The following WARS1 variants were observed in gnomAD, a reference collection of about 807,000 sequenced individuals.
WARS1 encodes tryptophanyl-tRNA synthetase 1, also known as tryptophan--tRNA ligase, cytoplasmic.
A neutral mutation model predicts 47.8 loss-of-function variants in WARS1; 17 were observed. The ratio of observed to expected loss-of-function variants is 0.36; its 90% CI spans 0.24 to 0.53. The LOEUF (loss-of-function observed/expected upper bound fraction) is 0.53. WARS1 is among the 20% of genes least tolerant of loss of function. The pLI, the probability that WARS1 is intolerant of heterozygous loss-of-function variation, is 0.91. For synonymous variants in WARS1, 208 were observed against 228.1 expected (o/e 0.91, Z 0.79); for missense variants, 434 against 608.0 (o/e 0.71, Z 3.01).
At chr14:100,374,291 C>A (rs1366039084) in intron 1 of WARS1, 4 of 152,188 alleles carry the variant, frequency 2.6e-5, no homozygotes, top group Non-Finnish European at 4.4e-5. Context: ...GCAGTTATAA[C>A]CAGTGAAGTA....
intron 1 of WARS1, among the ~76,000 whole-genome samples, chr14:100,371,131 A>G (rs980910328): frequency 2.0e-5 from 3 of 152,038 alleles, no homozygotes; most frequent in Non-Finnish European, 2.9e-5. Context: ...TATCCTATCC[A>G]TTTGTTAAAT....
chr14:100,346,124 A>C (rs969356267), intron 7 of WARS1, among the ~76,000 whole-genome samples: 3 of 152,200 alleles, frequency 2.0e-5, no homozygotes, highest in African/African-American at 7.2e-5. Flanking sequence ...AAGGACCAAA[A>C]GTCTAAAAGT....
chr14:100,369,302 T>G, intron 1 of WARS1, 44 bp from the exon 2 acceptor site: 3 of 640,834 alleles, frequency 4.7e-6, no homozygotes, highest in Admixed American at 4.2e-5. Context: ...AACCAGAGGT[T>G]AACACAACAT....
At chr14:100,362,219 A>C (rs1940546803) in intron 2 of WARS1, among the ~76,000 whole-genome samples, 2 of 152,244 alleles carry the variant, frequency 1.3e-5, no homozygotes, top group African/African-American at 4.8e-5. Flanking sequence ...GCAGTGACAC[A>C]ATATACACTG....
At chr14:100,355,411 C>T (rs754126289) in intron 4 of WARS1, among the ~76,000 whole-genome samples, 59 of 151,402 alleles carry the variant, frequency 3.9e-4, no homozygotes, top group Non-Finnish European at 5.9e-4. Flanking sequence ...TTAATAGAGA[C>T]GGGGTTTCAC....
At chr14:100,356,086 T>C (rs765429320) in intron 4 of WARS1, among the ~76,000 whole-genome samples, 2 of 152,140 alleles carry the variant, frequency 1.3e-5, no homozygotes, top group Non-Finnish European at 2.9e-5. Context: ...CAGAGACTCA[T>C]TCAGCTACTA....
Position 100,339,609 on chromosome 14 carries a change from A to AAG in WARS1, c.1114-2408_1114-2407insCT, listed in dbSNP as rs59256359. Among the ~76,000 whole-genome samples, 71 of 149,242 alleles carry AAG rather than the reference A, an allele frequency of 4.8e-4. 1 individual carries two copies. The highest frequency in any genetic ancestry group is 1.8e-4 in the Non-Finnish European group (12 of 67,158). ...CCGTCTCAAAAAAAAAAAAAAAAAAAGGAAAAAAAAAGTTATAGAATGAAA... is the reference window on the plus strand; with the variant it reads ...CCGTCTCAAAAAAAAAAAAAAAAAAAAGGGAAAAAAAAAGTTATAGAATGAAA... On this transcript the variant is annotated intron_variant, in intron 9 of 10. Transcript: ENST00000392882.
At chr14:100,356,167 T>A (rs1020885027) in intron 4 of WARS1, among the ~76,000 whole-genome samples, 1 of 152,138 alleles carries the variant, frequency 6.6e-6, no homozygotes, top group African/African-American at 2.4e-5. Context: ...ATCCCCAATT[T>A]TACAGATGAC....
At chr14:100,344,333 C>G (rs1225457246) in intron 7 of WARS1, among the ~76,000 whole-genome samples, 1 of 152,218 alleles carries the variant, frequency 6.6e-6, no homozygotes, top group African/African-American at 2.4e-5. Context: ...GATCAGCCAG[C>G]CTCGGCCTCC....
chr14:100,375,558 G>T (rs2234519), upstream of WARS1: 4,685 of 152,696 alleles, frequency 0.031, 105 homozygotes, highest in East Asian at 0.077. Flanking sequence ...TGGGGGGCCA[G>T]GTTGAGACCA....
chr14:100,337,979 G>T (rs894459041), intron 9 of WARS1, among the ~76,000 whole-genome samples: 1 of 152,124 alleles, frequency 6.6e-6, no homozygotes, highest in Non-Finnish European at 1.5e-5. Context: ...CAGTGTTAAT[G>T]GGGACAGGAA....
intron 9 of WARS1, chr14:100,340,272 C>G (rs1307060962): frequency 6.6e-6 from 1 of 152,418 alleles, no homozygotes; most frequent in Non-Finnish European, 1.5e-5. Context: ...GGAGGGCTGA[C>G]TTGGGGGTGG....
intron 1 of WARS1, among the ~76,000 whole-genome samples, chr14:100,372,339 A>C (rs1309307926): frequency 6.6e-6 from 1 of 152,170 alleles, no homozygotes; most frequent in Non-Finnish European, 1.5e-5. Context: ...AAAAACAAAA[A>C]TTGAAAAAAA....
chr14:100,366,823 A>G lies in WARS1; in HGVS notation c.99+2264T>C, dbSNP rs573130489. The G allele has an allele frequency of 2.6e-6, 4 of 1,519,264 alleles. No individual in the cohort carries two copies. In the Admixed American group the frequency reaches 6.7e-5, roughly 25 times the overall value. 94.1% of individuals were successfully genotyped at this position (1,519,264 alleles called of 1,614,324 possible). On this transcript the variant is annotated intron_variant, in intron 2 of 10. Transcript: ENST00000392882. ...CAAAGAGTGTTTCCTTTTTTGATGT[A>G]TTGTTTAAAGGATTCAAATGGGGAT...
intron 4 of WARS1, among the ~76,000 whole-genome samples, chr14:100,356,146 G>T (rs1287629227): frequency 6.6e-6 from 1 of 152,114 alleles, no homozygotes; most frequent in Non-Finnish European, 1.5e-5. Flanking sequence ...GTGCATAGTA[G>T]ATCTCATTTA....
In WARS1 at chr14:100,354,360, A is replaced by G. The variant is rs1312830400; in HGVS notation, c.542+87T>C. 7 of 1,536,386 alleles carry G rather than the reference A, an allele frequency of 4.6e-6. No individual in the cohort carries two copies. In the Admixed American group the frequency reaches 1.3e-4, roughly 28 times the overall value. ...TTGGTTGCTCAGCAAATGAACTAGC[A>G]TGATCTTGTCAGTTCTAAACATGGT... On this transcript the variant is annotated intron_variant, in intron 5 of 10. Transcript: ENST00000392882.
At chr14:100,372,910 G>GC (rs1483841966) in intron 1 of WARS1, among the ~76,000 whole-genome samples, 1 of 152,102 alleles carries the variant, frequency 6.6e-6, no homozygotes, top group Non-Finnish European at 1.5e-5. Context: ...ACCCTTCTCT[G>GC]CCTGAACTCT....
rs188541156 is a variant in WARS1 at position 100,373,410 on chromosome 14, G to T, written c.-74+1873C>A. ...TTTTCTTCACCCTCTGCTAACATCT[G>T]CCCACCATCCTGGTCACTATTTTTG... is the stretch of plus-strand genomic sequence containing the variant. On this transcript the variant is annotated intron_variant, in intron 1 of 10. Transcript: ENST00000392882. The surrounding 1 kb of genome is among the most constrained non-coding windows in gnomAD (Gnocchi z 4.4). Among the ~76,000 whole-genome samples, 222 of 152,118 alleles carry T rather than the reference G, an allele frequency of 1.5e-3. 2 individuals are homozygous for T. Among genetic ancestry groups the T allele is most frequent in the African/African-American group, 5.3e-3 (218 of 41,494 alleles).
At chr14:100,349,479 C>T (rs1894834190) in intron 6 of WARS1, among the ~76,000 whole-genome samples, 1 of 152,162 alleles carries the variant, frequency 6.6e-6, no homozygotes, top group Admixed American at 6.5e-5. Flanking sequence ...TCCTCCCATG[C>T]CCGGGCCACA....
Sources: allele counts gnomAD v4.1 joint callset (sites outside exome capture counted in the v4.1 genomes callset), GRCh38; gene constraint gnomAD v4.1.1; non-coding constraint Gnocchi (gnomAD v3.1); transcripts MANE v1.5; gene names NCBI Gene and HGNC (gene_info 2026-07-23, HGNC 2026-07-21).